The following MINDY3 variants were observed in gnomAD, a reference collection of about 807,000 sequenced individuals.
MINDY3 encodes ubiquitin carboxyl-terminal hydrolase MINDY-3.
Under a neutral mutation model 69.2 loss-of-function variants are expected in MINDY3, and 38 were observed. The observed-to-expected ratio is 0.55, with a 90% CI of 0.42 to 0.72. The LOEUF (loss-of-function observed/expected upper bound fraction) is 0.72. Among genes scored for constraint, MINDY3 ranks in the 30% least tolerant of loss-of-function variants. The pLI, the probability that MINDY3 is intolerant of heterozygous loss-of-function variation, is 0.00. For synonymous variants in MINDY3, 192 were observed against 180.1 expected, an observed-to-expected ratio of 1.07 and a Z score of -0.53; for missense variants, 522 against 519.0, an observed-to-expected ratio of 1.01 and a Z score of -0.06.
chr10:15,848,088 T>C, intron 1 of MINDY3, 145 bp from the exon 2 acceptor site: 2 of 663,368 alleles, frequency 3.0e-6, no homozygotes, highest in Non-Finnish European at 5.2e-6. Context: ...AAGGAACCTT[T>C]TGAAAAAAAA....
At chr10:15,847,809 G>A in intron 2 of MINDY3, 55 bp downstream of exon 2, 1 of 1,266,804 alleles carries the variant, frequency 7.9e-7, no homozygotes, top group Non-Finnish European at 1.2e-6. Flanking sequence ...AAAACGACAA[G>A]TATGAAACGT....
chr10:15,847,625 G>A (rs970112617), intron 2 of MINDY3, among the ~76,000 whole-genome samples: 3 of 152,094 alleles, frequency 2.0e-5, no homozygotes, highest in African/African-American at 7.2e-5. Context: ...CTGAAAGTCA[G>A]GGAACGCCTA....
chr10:15,859,987 C>T (rs1173884135), intron 1 of MINDY3, among the ~76,000 whole-genome samples: 4 of 152,058 alleles, frequency 2.6e-5, no homozygotes, highest in African/African-American at 9.7e-5. Context: ...ATGGAAAGAG[C>T]GCTGCGGGTA....
At chr10:15,794,348 G>T (rs1322244201) in intron 11 of MINDY3, among the ~76,000 whole-genome samples, 1 of 151,720 alleles carries the variant, frequency 6.6e-6, no homozygotes, top group African/African-American at 2.4e-5. Flanking sequence ...TAAGTGAAAA[G>T]AAAAAAAACT....
intron 10 of MINDY3, among the ~76,000 whole-genome samples, chr10:15,799,917 T>C (rs1258699579): frequency 6.6e-6 from 1 of 152,128 alleles, no homozygotes; most frequent in African/African-American, 2.4e-5. Context: ...ATATTAGTGT[T>C]AGACTGAGGT....
chr10:15,816,660 C>T (rs887160295), intron 10 of MINDY3, among the ~76,000 whole-genome samples, 175 bp downstream of exon 10: 13 of 152,070 alleles, frequency 8.5e-5, no homozygotes, highest in African/African-American at 3.1e-4. Context: ...TAAAAGATTC[C>T]AGATTTAGAG....
intron 12 of MINDY3, 94 bp from the exon 13 acceptor site, chr10:15,786,742 G>T (rs138443885): frequency 1.3e-6 from 1 of 749,936 alleles, no homozygotes; most frequent in South Asian, 1.5e-5. Flanking sequence ...CAACACATTC[G>T]GCTGCCAAAA....
chr10:15,852,644 A>G (rs1361753812), intron 1 of MINDY3, among the ~76,000 whole-genome samples: 1 of 152,206 alleles, frequency 6.6e-6, no homozygotes, highest in African/African-American at 2.4e-5. Context: ...ATATAAATTA[A>G]AATACTAGAT....
intron 2 of MINDY3, among the ~76,000 whole-genome samples, chr10:15,844,191 C>T (rs976837434): frequency 6.6e-6 from 1 of 152,120 alleles, no homozygotes; most frequent in Non-Finnish European, 1.5e-5. Context: ...CACCAATAAA[C>T]AATTCAAGGT....
At chr10:15,798,817 G>A (rs1283644556) in intron 10 of MINDY3, among the ~76,000 whole-genome samples, 3 of 151,822 alleles carry the variant, frequency 2.0e-5, no homozygotes, top group South Asian at 2.1e-4. Flanking sequence ...CTATGCCAAC[G>A]TAGAAAGAAA....
intron 2 of MINDY3, among the ~76,000 whole-genome samples, chr10:15,847,578 T>C (rs530267314): frequency 2.0e-5 from 3 of 152,242 alleles, no homozygotes; most frequent in Admixed American, 2.0e-4. Flanking sequence ...CTTAATAGGA[T>C]CTCTGTGTTA....
intron 13 of MINDY3, 61 bp downstream of exon 13, chr10:15,786,478 TACAGAAAGAGAAAATGCTGCAA>T: frequency 1.1e-6 from 1 of 875,038 alleles, no homozygotes. Context: ...TAGGACATTG[TACAGAAAGAGAAAATGCTGCAA>T]ACAATCACAG....
At chr10:15,786,280 T>A (rs1329326206) in intron 13 of MINDY3, among the ~76,000 whole-genome samples, 1 of 152,148 alleles carries the variant, frequency 6.6e-6, no homozygotes, top group East Asian at 1.9e-4. Flanking sequence ...AGAAAGAGAA[T>A]CTTTCTCTTT....
intron 10 of MINDY3, among the ~76,000 whole-genome samples, chr10:15,810,567 T>TC (rs1838928164): frequency 6.6e-6 from 1 of 152,136 alleles, no homozygotes. Flanking sequence ...TAAGCACACC[T>TC]CCCGACCCCC....
chr10:15,814,883 T>C (rs1317336593), intron 10 of MINDY3, among the ~76,000 whole-genome samples: 3 of 152,212 alleles, frequency 2.0e-5, no homozygotes, highest in Admixed American at 6.5e-5. Flanking sequence ...TTTCAGATAA[T>C]GTCCTCAGAC....
chr10:15,853,322 C>T (rs781427688), intron 1 of MINDY3, among the ~76,000 whole-genome samples: 6 of 151,966 alleles, frequency 3.9e-5, no homozygotes, highest in Admixed American at 6.6e-5. Flanking sequence ...TTTCAGGGGG[C>T]CCACTGGAAG....
intron 14 of MINDY3, among the ~76,000 whole-genome samples, chr10:15,779,415 AG>A (rs1047906734): frequency 6.6e-6 from 1 of 152,172 alleles, no homozygotes; most frequent in African/African-American, 2.4e-5. Context: ...ATTGTTTCTA[AG>A]AAAAAAAACA....
At chr10:15,855,847 G>C (rs1186880702) in intron 1 of MINDY3, among the ~76,000 whole-genome samples, 2 of 152,048 alleles carry the variant, frequency 1.3e-5, no homozygotes, top group African/African-American at 4.8e-5. Context: ...TTGTTGCAAA[G>C]ATTAGGTAAG....
At chr10:15,838,196 G>A in intron 5 of MINDY3, 32 bp downstream of exon 5, 2 of 1,588,000 alleles carry the variant, frequency 1.3e-6, no homozygotes, top group Non-Finnish European at 1.7e-6. Flanking sequence ...TGTCCACAGA[G>A]TAAGTATTTT....
Sources: allele counts gnomAD v4.1 joint callset (sites outside exome capture counted in the v4.1 genomes callset), GRCh38; gene constraint gnomAD v4.1.1; transcripts MANE v1.5; gene names NCBI Gene and HGNC (gene_info 2026-07-23, HGNC 2026-07-21).